The following SLC26A8 variants were observed in gnomAD, a reference collection of about 807,000 sequenced individuals.
The protein encoded by SLC26A8 is solute carrier family 26 member 8.
In SLC26A8, 70 loss-of-function variants were observed where a neutral mutation model predicts 105.0. That is an observed-to-expected ratio of 0.67 (90% CI 0.55 to 0.81). The LOEUF is 0.81. Ranked by LOEUF, SLC26A8 falls within the 40% of genes least tolerant of loss-of-function variation. SLC26A8 has a pLI of 0.00. For synonymous variants in SLC26A8, 415 were observed against 438.3 expected (o/e 0.95, Z 0.66); for missense variants, 998 against 1,181.8 (o/e 0.84, Z 2.28).
At chr6:35,956,671 G>C (rs528170831) in intron 16 of SLC26A8, among the ~76,000 whole-genome samples, 1 of 152,132 alleles carries the variant, frequency 6.6e-6, no homozygotes, top group South Asian at 2.1e-4. Context: ...TGTAATCCCA[G>C]AACTTTGGGA....
intron 12 of SLC26A8, 107 bp from the exon 13 acceptor site, chr6:35,961,206 T>C: frequency 1.2e-6 from 1 of 859,148 alleles, no homozygotes; most frequent in Non-Finnish European, 1.8e-6. Flanking sequence ...TTACTACACC[T>C]GGGCTTTAGG....
chr6:36,004,609 G>A lies in SLC26A8; in HGVS notation c.329-4501C>T, dbSNP rs1324455943. On this transcript the variant is annotated intron_variant, in intron 3 of 19. Coordinates refer to ENST00000490799, the MANE Select transcript of SLC26A8 (RefSeq NM_052961.4). ...CTTCTTTTTCTTGCTTTAATATACT[G>A]TGTATGCACTCCATTATAATGTTGT... is the stretch of plus-strand genomic sequence containing the variant. 2.0e-5 allele frequency among the ~76,000 whole-genome samples: 3 copies of A among 151,458 alleles called. No individual in the cohort carries two copies. In the East Asian group the frequency reaches 5.8e-4, roughly 29 times the overall value.
chr6:35,947,760 GTC>G (rs1014204215), intron 19 of SLC26A8, among the ~76,000 whole-genome samples: 2 of 152,020 alleles, frequency 1.3e-5, no homozygotes, highest in Non-Finnish European at 2.9e-5. Context: ...GCAAAACCCC[GTC>G]TCTGTGAAAG....
In SLC26A8 at chr6:35,962,609, C is replaced by T; in HGVS notation, c.1378G>A (p.Gly460Ser). Residue 460 changes from glycine (G) to serine (S), a missense_variant, in exon 12 of 20, where the codon GGT becomes AGT. Transcript: ENST00000490799. ...FYTLPNAVLAGIILSNVIPYL... is the reference protein window; with the variant it reads ...FYTLPNAVLASIILSNVIPYL... ...GGAATGACGTTGCTCAGAATAATAC[C>T]AGCCAGCACAGCCTGTGGGGAAAAG... 6.2e-7 allele frequency: 1 copy of T among 1,614,038 alleles called. No homozygotes were observed. The highest frequency in any genetic ancestry group is 8.5e-7 in the Non-Finnish European group (1 of 1,179,982).
intron 17 of SLC26A8, among the ~76,000 whole-genome samples, chr6:35,954,178 T>G (rs912899147): frequency 6.6e-6 from 1 of 152,120 alleles, no homozygotes; most frequent in African/African-American, 2.4e-5. Flanking sequence ...GTCTGTACCA[T>G]ATAGGAGGAA....
chr6:35,947,823 C>A (rs1330849794), intron 19 of SLC26A8, among the ~76,000 whole-genome samples: 2 of 152,122 alleles, frequency 1.3e-5, no homozygotes, highest in Non-Finnish European at 2.9e-5. Context: ...CCCAAATACT[C>A]AGGAGGCTGA....
intron 1 of SLC26A8, among the ~76,000 whole-genome samples, chr6:36,021,536 G>A (rs375360742): frequency 4.6e-5 from 7 of 152,294 alleles, no homozygotes; most frequent in African/African-American, 1.4e-4. Flanking sequence ...ATTAAAGGAG[G>A]ATTGGTGTAA....
In SLC26A8 at chr6:35,997,588, C is replaced by T. The variant is rs79881330; in HGVS notation, c.627+150G>A. ...GAGAAGTTTTGTCACTAAGGAGACA[C>T]GCTATTCACACAGCCTCTGATTTTT... On this transcript the variant is annotated intron_variant, in intron 5 of 19. Coordinates refer to ENST00000490799, the MANE Select transcript of SLC26A8 (RefSeq NM_052961.4). The T allele has an allele frequency of 0.12, 84,964 of 723,468 alleles. 5,567 individuals are homozygous for T. Among genetic ancestry groups the T allele is most frequent in the Middle Eastern group, 0.17 (415 of 2,474 alleles). The allele number at this position is 723,468 out of a possible 1,614,324, so 44.8% of individuals were successfully genotyped here. A position where few individuals can be genotyped will look rare whatever the true frequency, so the allele number is the denominator to read the frequency against.
chr6:36,013,963 C>T (rs1462318841), intron 2 of SLC26A8, among the ~76,000 whole-genome samples: 1 of 152,150 alleles, frequency 6.6e-6, no homozygotes, highest in Non-Finnish European at 1.5e-5. Flanking sequence ...GAAACAAGGT[C>T]CTTGATTTCT....
At chr6:35,994,825 C>A (rs942947255) in intron 5 of SLC26A8, among the ~76,000 whole-genome samples, 1 of 152,170 alleles carries the variant, frequency 6.6e-6, no homozygotes, top group African/African-American at 2.4e-5. Flanking sequence ...GATCCACCCG[C>A]TTTGGTCTCC....
intron 9 of SLC26A8, among the ~76,000 whole-genome samples, chr6:35,975,973 AAACCAAATCATC>A (rs1468977608): frequency 1.3e-5 from 2 of 151,980 alleles, no homozygotes; most frequent in Non-Finnish European, 1.5e-5. Flanking sequence ...TTTCTTGACT[AAACCAAATCATC>A]ATTTTAGCTA....
chr6:36,000,310 T>C (rs1761484478), intron 3 of SLC26A8, among the ~76,000 whole-genome samples: 2 of 152,204 alleles, frequency 1.3e-5, no homozygotes, highest in Non-Finnish European at 2.9e-5. Context: ...TTTTGCCACA[T>C]GCTTTTACAC....
intron 12 of SLC26A8, among the ~76,000 whole-genome samples, chr6:35,962,281 T>C (rs1429979462): frequency 6.6e-6 from 1 of 152,074 alleles, no homozygotes; most frequent in Non-Finnish European, 1.5e-5. Context: ...CCCTTTTTGC[T>C]AGATTTGGAT....
intron 19 of SLC26A8, among the ~76,000 whole-genome samples, chr6:35,947,193 T>TA (rs1188301204): frequency 6.6e-6 from 1 of 152,044 alleles, no homozygotes; most frequent in Non-Finnish European, 1.5e-5. Flanking sequence ...CATGCCCAGC[T>TA]AATTTTTTTG....
rs551111030 is a variant in SLC26A8 at position 36,007,406 on chromosome 6, A to G, written c.328+4827T>C. ...GCACAAATCTAACAAAACACGTAGG[A>G]TCTCTATGCTGAAAACTACAAAAGG... is the stretch of plus-strand genomic sequence containing the variant. On this transcript the variant is annotated intron_variant, in intron 3 of 19. Coordinates refer to ENST00000490799, the MANE Select transcript of SLC26A8 (RefSeq NM_052961.4). 1.1e-4 allele frequency among the ~76,000 whole-genome samples: 17 copies of G among 152,346 alleles called. 1 individual carries two copies. The South Asian group carries it at 3.5e-3, about 32-fold the overall frequency.
At chr6:35,960,753 AAT>A in intron 14 of SLC26A8, 88 bp downstream of exon 14, 1 of 1,257,328 alleles carries the variant, frequency 8.0e-7, no homozygotes, top group Non-Finnish European at 1.1e-6. Context: ...TGCAGGAAAC[AAT>A]GGCAAGGGAT....
chr6:35,997,285 G>T (rs1190774333), intron 5 of SLC26A8, among the ~76,000 whole-genome samples: 1 of 152,118 alleles, frequency 6.6e-6, no homozygotes, highest in Non-Finnish European at 1.5e-5. Flanking sequence ...ATTGTGAACT[G>T]CACATGCGAG....
intron 7 of SLC26A8, chr6:35,990,294 G>T (rs2127347165): frequency 3.5e-6 from 1 of 284,614 alleles, no homozygotes. Context: ...CATTTTTGAG[G>T]CCATTTCTTT....
intron 7 of SLC26A8, among the ~76,000 whole-genome samples, chr6:35,985,873 C>T (rs757571340): frequency 6.6e-5 from 10 of 151,500 alleles, no homozygotes; most frequent in Non-Finnish European, 1.5e-4. Flanking sequence ...TCTAGAGCAC[C>T]ATTTGTATCC....
Sources: allele counts gnomAD v4.1 joint callset (sites outside exome capture counted in the v4.1 genomes callset), GRCh38; gene constraint gnomAD v4.1.1; transcripts MANE v1.5; gene names NCBI Gene and HGNC (gene_info 2026-07-23, HGNC 2026-07-21).